Variants in LINGO1 observed in about 807,000 individuals in gnomAD.
LINGO1 encodes the protein leucine rich repeat and Ig domain containing 1.
LINGO1 carries 11 observed loss-of-function variants against 37.3 expected under a neutral mutation model. The observed-to-expected ratio is 0.29, with a 90% CI of 0.19 to 0.49. LINGO1 has a LOEUF of 0.49. LINGO1 is among the 20% of genes least tolerant of loss of function. The probability of loss-of-function intolerance (pLI) is 0.99; values close to 1 mark genes in which losing one functional copy is unlikely to be tolerated. For synonymous variants in LINGO1, 387 were observed against 403.0 expected (o/e 0.96, Z 0.48); for missense variants, 585 against 878.2 (o/e 0.67, Z 4.22).
chr15:77,742,952 G>T (rs111464675), intron 1 of LINGO1, among the ~76,000 whole-genome samples: 3,948 of 152,328 alleles, frequency 0.026, 193 homozygotes, highest in African/African-American at 0.09. Flanking sequence ...CTCCAAGAAA[G>T]CTTGGGGTGC....
intron 1 of LINGO1, among the ~76,000 whole-genome samples, chr15:77,796,592 C>A (rs1055354879): frequency 5.9e-5 from 9 of 152,268 alleles, no homozygotes; most frequent in Admixed American, 2.0e-4. Flanking sequence ...TCCCAGGAGG[C>A]AGGCCCCAGG....
intron 1 of LINGO1, among the ~76,000 whole-genome samples, chr15:77,766,238 G>C (rs28731500): frequency 0.053 from 7,104 of 135,204 alleles, 586 homozygotes; most frequent in African/African-American, 0.18. Flanking sequence ...ATAGAGGCTA[G>C]AATGAGCCAT....
intron 2 of LINGO1, among the ~76,000 whole-genome samples, chr15:77,732,165 G>A (rs1258039861): frequency 6.6e-6 from 1 of 152,160 alleles, no homozygotes; most frequent in African/African-American, 2.4e-5. Context: ...ATGAACCCAA[G>A]TCTAGCTCAG....
At chr15:77,819,735 C>T (rs1017165896) in intron 1 of LINGO1, among the ~76,000 whole-genome samples, 2 of 150,946 alleles carry the variant, frequency 1.3e-5, no homozygotes, top group Non-Finnish European at 3.0e-5. Flanking sequence ...CGCTGCTCCC[C>T]GTAGGGACCC....
chr15:77,775,687 G>A (rs2076630359), intron 1 of LINGO1, among the ~76,000 whole-genome samples: 1 of 152,090 alleles, frequency 6.6e-6, no homozygotes, highest in Non-Finnish European at 1.5e-5. Context: ...TGCCTGAGCC[G>A]AGGCTCTCCA....
upstream of LINGO1, among the ~76,000 whole-genome samples, chr15:77,637,875 G>A (rs1458567348): frequency 6.6e-6 from 1 of 152,202 alleles, no homozygotes; most frequent in African/African-American, 2.4e-5. The surrounding 1 kb of genome is among the most constrained non-coding windows in gnomAD (Gnocchi z 4.6). Context: ...AATTACACCT[G>A]ACTGAAGTCT....
intron 3 of LINGO1, among the ~76,000 whole-genome samples, chr15:77,642,404 G>A (rs2074528715): frequency 6.6e-6 from 1 of 152,220 alleles, no homozygotes; most frequent in South Asian, 2.1e-4. Context: ...GAGAAAGGAG[G>A]ATAGAAAGAA....
At chr15:77,681,448 TCTCA>T (rs1179793132) in intron 2 of LINGO1, among the ~76,000 whole-genome samples, 1 of 152,158 alleles carries the variant, frequency 6.6e-6, no homozygotes, top group East Asian at 1.9e-4. Flanking sequence ...CAACTGAGCA[TCTCA>T]CTCAGGGAGG....
At position 77,668,019 on chromosome 15, in the gene LINGO1, T is replaced by A. The variant is rs376579386; in HGVS notation, c.-13+9070A>T. 2.6e-5 allele frequency: 4 copies of A among 152,384 alleles called. No individual in the cohort carries two copies. The South Asian group carries it at 6.2e-4, about 24-fold the overall frequency. 9.4% of individuals were successfully genotyped at this position (152,384 alleles called of 1,614,324 possible). The stretch of plus-strand genomic sequence containing the variant: ...AGCCCTGGTTCACCAAGTGACTGCA[T>A]GTATGCCTCTTTGTGCCTCAGTTAA... On this transcript the variant is annotated intron_variant, in intron 3 of 3. Coordinates refer to the LINGO1 transcript ENST00000559893.
chr15:77,785,200 C>T (rs1244029596), intron 1 of LINGO1: 1 of 152,240 alleles, frequency 6.6e-6, no homozygotes, highest in East Asian at 1.9e-4. Flanking sequence ...GGGTGCTCCA[C>T]CAAGGGTGAG....
chr15:77,761,940 C>CATGAT (rs2076481671), intron 1 of LINGO1, among the ~76,000 whole-genome samples: 2 of 152,126 alleles, frequency 1.3e-5, no homozygotes, highest in African/African-American at 2.4e-5. Flanking sequence ...GGAGTGAGGC[C>CATGAT]GGGATGTGAT....
chr15:77,726,825 G>A (rs1294094381), intron 2 of LINGO1, among the ~76,000 whole-genome samples: 1 of 152,234 alleles, frequency 6.6e-6, no homozygotes, highest in Non-Finnish European at 1.5e-5. Flanking sequence ...AGAATGGGAG[G>A]AAATGTTGGC....
Position 77,796,962 on chromosome 15 carries a change from G to A in LINGO1, c.-457-909C>T, listed in dbSNP as rs570673460. ...AGCAGTCCTCCTGCCTTGACCTCCCGCAGTGCTGGGATTATCGGCGGAGCC... is the reference window on the plus strand; with the variant it reads ...AGCAGTCCTCCTGCCTTGACCTCCCACAGTGCTGGGATTATCGGCGGAGCC... On this transcript the variant is annotated intron_variant, in intron 1 of 5. Transcript: ENST00000562933. Among the ~76,000 whole-genome samples the A allele has an allele frequency of 9.2e-5, 14 of 152,204 alleles. No homozygotes were observed. The East Asian group carries it at 1.3e-3, about 15-fold the overall frequency.
chr15:77,613,319 A>G lies in LINGO1; in HGVS notation c.*725T>C, dbSNP rs1058129. On this transcript the variant is annotated 3_prime_UTR_variant, in exon 2 of 2. Coordinates refer to ENST00000355300, the MANE Select transcript of LINGO1 (RefSeq NM_032808.7). ...TCTGTCCAGAGTCTCAGCCACACCC[A>G]AGCCAGGCTCCCACCCCTTGCAGTG... The G allele has an allele frequency of 0.71, 107,496 of 152,270 alleles. 38,708 individuals are homozygous for G. Among genetic ancestry groups the G allele is most frequent in the African/African-American group, 0.86 (35,572 of 41,472 alleles). The allele number at this position is 152,270 out of a possible 1,614,324, so 9.4% of individuals were successfully genotyped here.
intron 3 of LINGO1, among the ~76,000 whole-genome samples, chr15:77,672,167 C>A (rs906841805): frequency 2.0e-5 from 3 of 150,446 alleles, no homozygotes; most frequent in Non-Finnish European, 4.4e-5. Context: ...ACAGTGCTCG[C>A]TCCCCAGCTC....
intron 2 of LINGO1, among the ~76,000 whole-genome samples, chr15:77,685,929 G>A (rs1441063653): frequency 6.6e-6 from 1 of 152,178 alleles, no homozygotes; most frequent in Non-Finnish European, 1.5e-5. Flanking sequence ...GCAGGAGGCA[G>A]AGCCCCACGA....
rs1375379040 is a variant in LINGO1 at position 77,704,683 on chromosome 15, TCA to T, written c.-194-13784_-194-13783del. On this transcript the variant is annotated intron_variant, in intron 2 of 3. Transcript: ENST00000561686. Reference sequence around the variant, plus strand: ...GTCAGACACTGAGCCCCGAGCCTAGTCACAGACTGGGCTCGGACCCTGGTCAT... The same window carrying T: ...GTCAGACACTGAGCCCCGAGCCTAGTCAGACTGGGCTCGGACCCTGGTCAT... Among the ~76,000 whole-genome samples, 9 of 150,472 alleles carry T rather than the reference TCA, an allele frequency of 6.0e-5. 2 individuals are homozygous for T. The South Asian group carries it at 1.7e-3, about 28-fold the overall frequency.
At chr15:77,741,050 A>G (rs1036448541) in intron 1 of LINGO1, among the ~76,000 whole-genome samples, 1 of 152,094 alleles carries the variant, frequency 6.6e-6, no homozygotes, top group East Asian at 1.9e-4. Flanking sequence ...TCAGGCAGCT[A>G]CCCTACCATG....
In LINGO1 at chr15:77,674,386, C is replaced by T. The variant is rs116690532; in HGVS notation, c.-13+2703G>A. On this transcript the variant is annotated intron_variant, in intron 3 of 3. Coordinates refer to the LINGO1 transcript ENST00000559893. Reference sequence around the variant, plus strand: ...AGAGGGATCTGGTTAAAATGTAATTCCAATCATGCCATGTCACTACGCAGA... The same window carrying T: ...AGAGGGATCTGGTTAAAATGTAATTTCAATCATGCCATGTCACTACGCAGA... 5.1e-3 allele frequency among the ~76,000 whole-genome samples: 776 copies of T among 152,320 alleles called. 6 individuals carry two copies. The highest frequency in any genetic ancestry group is 0.018 in the African/African-American group (747 of 41,560).
Sources: gnomAD v4.1 joint callset for allele counts (sites outside exome capture counted in the v4.1 genomes callset) on GRCh38, gnomAD v4.1.1 for gene constraint, Gnocchi (gnomAD v3.1) non-coding constraint, MANE v1.5 for transcripts, NCBI Gene and HGNC (gene_info 2026-07-23, HGNC 2026-07-21) for gene names.